Variants in KIF16B observed in about 807,000 individuals in gnomAD.
KIF16B encodes the protein kinesin-like protein KIF16B.
Under a neutral mutation model 156.3 loss-of-function variants are expected in KIF16B, and 98 were observed. That is an observed-to-expected ratio of 0.63 (90% CI 0.53 to 0.74). KIF16B has a LOEUF of 0.74. KIF16B is among the 30% of genes least tolerant of loss of function. The pLI is 0.00. For synonymous variants in KIF16B, 564 were observed against 583.7 expected (o/e 0.97, Z 0.49); for missense variants, 1,421 against 1,606.5 (o/e 0.88, Z 1.97).
chr20:16,430,499 A>G (rs1168716897), intron 12 of KIF16B, among the ~76,000 whole-genome samples: 2 of 151,986 alleles, frequency 1.3e-5, no homozygotes, highest in East Asian at 3.9e-4. Flanking sequence ...TGAATCTGCT[A>G]TTCACCTCCC....
intron 25 of KIF16B, among the ~76,000 whole-genome samples, chr20:16,304,061 A>C (rs2063508451): frequency 6.6e-6 from 1 of 152,214 alleles, no homozygotes; most frequent in Non-Finnish European, 1.5e-5. Context: ...CCATCATCTC[A>C]ATACTGAATG....
At chr20:16,508,730 C>T (rs1313850082) in intron 6 of KIF16B, among the ~76,000 whole-genome samples, 1 of 152,104 alleles carries the variant, frequency 6.6e-6, no homozygotes, top group East Asian at 1.9e-4. Context: ...GGTTAGAGGC[C>T]TCTGACATAC....
intron 17 of KIF16B, among the ~76,000 whole-genome samples, chr20:16,396,836 C>CA (rs1299838189): frequency 6.6e-6 from 1 of 152,140 alleles, no homozygotes; most frequent in Admixed American, 6.5e-5. Context: ...CAAACCCCCT[C>CA]AGGCTGCTGC....
At chr20:16,395,703 T>A (rs1383082959) in intron 17 of KIF16B, among the ~76,000 whole-genome samples, 1 of 152,252 alleles carries the variant, frequency 6.6e-6, no homozygotes, top group East Asian at 1.9e-4. Context: ...ATGACCAGGA[T>A]GGCCAGGACT....
intron 16 of KIF16B, among the ~76,000 whole-genome samples, chr20:16,405,456 G>A (rs2065759078): frequency 6.6e-6 from 1 of 152,142 alleles, no homozygotes; most frequent in African/African-American, 2.4e-5. Context: ...TCCACTGGCC[G>A]GAAAAAGCCA....
intron 25 of KIF16B, among the ~76,000 whole-genome samples, chr20:16,277,663 C>T (rs190258743): frequency 2.4e-3 from 358 of 152,116 alleles, no homozygotes; most frequent in African/African-American, 8.3e-3. Context: ...TGTGAAAAAT[C>T]AGTCCAGGTG....
chr20:16,442,609 C>G (rs1222578672), intron 12 of KIF16B, among the ~76,000 whole-genome samples: 3 of 151,852 alleles, frequency 2.0e-5, no homozygotes, highest in Non-Finnish European at 4.4e-5. Flanking sequence ...AATATTAAAG[C>G]CAAAATCCTC....
chr20:16,329,307 C>A (rs1307592168), intron 24 of KIF16B, among the ~76,000 whole-genome samples: 1 of 152,128 alleles, frequency 6.6e-6, no homozygotes, highest in Non-Finnish European at 1.5e-5. Context: ...AGGTAAGCTT[C>A]ATGAACACCA....
At position 16,332,603 on chromosome 20, in the gene KIF16B, A is replaced by G. The variant is rs148354817; in HGVS notation, c.3711+3323T>C. On this transcript the variant is annotated intron_variant, in intron 24 of 25. Transcript: ENST00000354981. ...AAATTAAACACAACATGGAGAACCA[A>G]TTTCCATTCTTAGCTAACATTGAGA... Among the ~76,000 whole-genome samples, 461 of 152,314 alleles carry G rather than the reference A, an allele frequency of 3.0e-3. 2 individuals are homozygous for G. The highest frequency in any genetic ancestry group is 0.011 in the African/African-American group (449 of 41,564).
At chr20:16,438,353 A>G (rs565986009) in intron 12 of KIF16B, among the ~76,000 whole-genome samples, 1 of 152,282 alleles carries the variant, frequency 6.6e-6, no homozygotes, top group South Asian at 2.1e-4. Context: ...CTATTTTGAG[A>G]GAGACTATTA....
chr20:16,378,666 G>A, intron 19 of KIF16B, 139 bp downstream of exon 19: 1 of 825,002 alleles, frequency 1.2e-6, no homozygotes, highest in South Asian at 2.2e-5. Flanking sequence ...GCAAATATAA[G>A]CATTTGCCTA....
chr20:16,276,270 A>T (rs1169029188), intron 25 of KIF16B, among the ~76,000 whole-genome samples: 5 of 152,220 alleles, frequency 3.3e-5, no homozygotes, highest in African/African-American at 1.2e-4. Flanking sequence ...GTATAATAAG[A>T]AGAGAAGTAA....
chr20:16,558,992 A>C (rs986274005), intron 1 of KIF16B, among the ~76,000 whole-genome samples: 1 of 151,860 alleles, frequency 6.6e-6, no homozygotes, highest in Non-Finnish European at 1.5e-5. Flanking sequence ...CTGATTGTGA[A>C]GATGAAAATA....
At chr20:16,350,892 T>TG (rs11458912) in intron 23 of KIF16B, among the ~76,000 whole-genome samples, 8,254 of 88,122 alleles carry the variant, frequency 0.094, 669 homozygotes, top group African/African-American at 0.26. Flanking sequence ...GGGTGGGCAC[T>TG]GGGGGGGGGT....
chr20:16,367,710 G>A, intron 22 of KIF16B: 3 of 1,612,448 alleles, frequency 1.9e-6, no homozygotes, highest in East Asian at 2.2e-5. Context: ...CTAAATCAGG[G>A]ATTTCTGTTT....
chr20:16,506,213 A>C, intron 7 of KIF16B, 23 bp from the exon 8 acceptor site: 1 of 1,609,202 alleles, frequency 6.2e-7, no homozygotes, highest in Non-Finnish European at 8.5e-7. Flanking sequence ...AAAAAAGTAA[A>C]ATTGAAGAGG....
chr20:16,454,842 C>T (rs992750254), intron 12 of KIF16B, among the ~76,000 whole-genome samples: 3 of 152,140 alleles, frequency 2.0e-5, no homozygotes, highest in African/African-American at 4.8e-5. Context: ...AGCAATAGTA[C>T]CCCAGCAGCA....
chr20:16,377,051 C>T (rs1328414447), intron 19 of KIF16B, among the ~76,000 whole-genome samples: 1 of 152,210 alleles, frequency 6.6e-6, no homozygotes, highest in Non-Finnish European at 1.5e-5. Context: ...TTGTCCTGAA[C>T]TTTTCAGGCA....
intron 1 of KIF16B, among the ~76,000 whole-genome samples, chr20:16,566,538 G>A (rs1245334714): frequency 1.3e-5 from 2 of 152,154 alleles, no homozygotes; most frequent in Non-Finnish European, 2.9e-5. Flanking sequence ...TTTACAGAAC[G>A]CTTACTTTTG....
Sources: gnomAD v4.1 joint callset for allele counts (sites outside exome capture counted in the v4.1 genomes callset) on GRCh38, gnomAD v4.1.1 for gene constraint, MANE v1.5 for transcripts, NCBI Gene and HGNC (gene_info 2026-07-23, HGNC 2026-07-21) for gene names.